The following BLTP1 variants were observed in gnomAD, a reference collection of about 807,000 sequenced individuals.
The protein encoded by BLTP1 is fragile site-associated protein.
At chr4:122,311,137 A>T in the BLTP1 span, among the ~76,000 whole-genome samples, 1 of 152,196 alleles carries the variant, frequency 6.6e-6, no homozygotes, top group Non-Finnish European at 1.5e-5. Context: ...CCATTTCCTT[A>T]ACAGTTTATC....
chr4:122,247,229 C>G, the BLTP1 span: 1 of 1,613,284 alleles, frequency 6.2e-7, no homozygotes, highest in South Asian at 1.1e-5. Flanking sequence ...TATGTTCATG[C>G]CACAAAGATG....
At chr4:122,328,571 A>C in the BLTP1 span, 1 of 804,670 alleles carries the variant, frequency 1.2e-6, no homozygotes, top group South Asian at 5.7e-5. Context: ...TTTAAATTTA[A>C]ATTTTTTTTT....
the BLTP1 span, among the ~76,000 whole-genome samples, chr4:122,208,954 C>T: frequency 7.1e-6 from 1 of 139,946 alleles, no homozygotes; most frequent in Non-Finnish European, 1.5e-5. Flanking sequence ...TTCAAGGCTT[C>T]ACTCCAACCT....
At chr4:122,245,659 C>T in the BLTP1 span, among the ~76,000 whole-genome samples, 1 of 152,212 alleles carries the variant, frequency 6.6e-6, no homozygotes, top group South Asian at 2.1e-4. Flanking sequence ...AGAGCTTCTC[C>T]ATTTGATTTT....
the BLTP1 span, chr4:122,194,347 A>G: frequency 0.11 from 17,746 of 161,474 alleles, 1,260 homozygotes; most frequent in Non-Finnish European, 0.16. Flanking sequence ...TACTTCATTA[A>G]GTTCTGCATT....
the BLTP1 span, among the ~76,000 whole-genome samples, chr4:122,160,274 G>T: frequency 6.6e-6 from 1 of 152,062 alleles, no homozygotes. Flanking sequence ...ATGAATGGTA[G>T]GTATTATTGA....
the BLTP1 span, chr4:122,154,103 A>G: frequency 8.1e-6 from 8 of 984,998 alleles, no homozygotes; most frequent in Admixed American, 6.2e-5. Flanking sequence ...AACTCTGGAA[A>G]AAAACTTGGG....
At chr4:122,225,282 C>T in the BLTP1 span, 1 of 153,618 alleles carries the variant, frequency 6.5e-6, no homozygotes, top group African/African-American at 2.4e-5. Context: ...AAATTGTCCC[C>T]CACCACCCCT....
the BLTP1 span, chr4:122,246,243 T>C: frequency 1.2e-6 from 2 of 1,607,338 alleles, no homozygotes; most frequent in Non-Finnish European, 8.5e-7. Context: ...AATCTTACAA[T>C]GAAGCAAGAT....
At chr4:122,272,126 A>G in the BLTP1 span, 7 of 1,591,754 alleles carry the variant, frequency 4.4e-6, no homozygotes, top group African/African-American at 6.8e-5. Context: ...CAGTCTTCGT[A>G]TCTAAAATTG....
chr4:122,336,357 A>G, the BLTP1 span: 1 of 1,583,254 alleles, frequency 6.3e-7, no homozygotes, highest in South Asian at 1.2e-5. Context: ...TATACAGGTA[A>G]GCATCCTTCT....
chr4:122,192,932 C>T, the BLTP1 span, among the ~76,000 whole-genome samples: 2 of 152,142 alleles, frequency 1.3e-5, no homozygotes, highest in African/African-American at 2.4e-5. Flanking sequence ...TCTCACAATT[C>T]TAGAGTCTAA....
the BLTP1 span, among the ~76,000 whole-genome samples, chr4:122,233,153 AGT>A: frequency 2.0e-5 from 3 of 152,232 alleles, no homozygotes; most frequent in Non-Finnish European, 4.4e-5. Flanking sequence ...AGCCACCTAC[AGT>A]TCAACGAGCC....
At chr4:122,244,187 T>C in the BLTP1 span, 2 of 474,444 alleles carry the variant, frequency 4.2e-6, no homozygotes, top group Non-Finnish European at 5.5e-6. Flanking sequence ...TTTGATTGAA[T>C]AAAAATGAAA....
chr4:122,328,266 GAC>G, the BLTP1 span: 2 of 1,610,952 alleles, frequency 1.2e-6, no homozygotes, highest in Non-Finnish European at 1.7e-6. Context: ...CCGACGGGAT[GAC>G]AGTTTGTCTT....
At chr4:122,210,040 T>C in the BLTP1 span, 3 of 1,386,090 alleles carry the variant, frequency 2.2e-6, no homozygotes, top group Non-Finnish European at 2.8e-6. Flanking sequence ...AGTATAAATA[T>C]AGTCTTACAT....
chr4:122,268,100 C>T, the BLTP1 span, among the ~76,000 whole-genome samples: 4 of 151,656 alleles, frequency 2.6e-5, no homozygotes, highest in East Asian at 5.8e-4. Flanking sequence ...TTTTAATAAT[C>T]GGTGAAAAAA....
the BLTP1 span, among the ~76,000 whole-genome samples, chr4:122,290,526 G>A: frequency 7.2e-5 from 11 of 151,826 alleles, no homozygotes; most frequent in East Asian, 1.9e-4. Flanking sequence ...GGTGGCTCAC[G>A]CCTGTAATCC....
At chr4:122,298,880 A>G in the BLTP1 span, 18 of 985,376 alleles carry the variant, frequency 1.8e-5, no homozygotes, top group Non-Finnish European at 2.0e-5. Context: ...TTTGCTGAGA[A>G]TGAGATAAGA....
Sources: gnomAD v4.1 joint callset for allele counts (sites outside exome capture counted in the v4.1 genomes callset) on GRCh38, gnomAD v4.1.1 for gene constraint, MANE v1.5 for transcripts, NCBI Gene and HGNC (gene_info 2026-07-23, HGNC 2026-07-21) for gene names.